SLC25A33: variants seen among roughly 807,000 people sequenced by gnomAD.
SLC25A33 encodes solute carrier family 25 member 33.
A neutral mutation model predicts 35.5 loss-of-function variants in SLC25A33; 15 were observed. That is an observed-to-expected ratio of 0.42 (90% CI 0.28 to 0.65). SLC25A33 has a LOEUF of 0.65. Among genes scored for constraint, SLC25A33 ranks in the 30% least tolerant of loss-of-function variants. The pLI, the probability that SLC25A33 is intolerant of heterozygous loss-of-function variation, is 0.20. For synonymous variants in SLC25A33, 136 were observed against 148.7 expected, an observed-to-expected ratio of 0.91 and a Z score of 0.62; for missense variants, 257 against 398.5, an observed-to-expected ratio of 0.64 and a Z score of 3.02.
chr1:9,572,954 A>G (rs1257038258), intron 4 of SLC25A33, among the ~76,000 whole-genome samples: 1 of 152,148 alleles, frequency 6.6e-6, no homozygotes, highest in Non-Finnish European at 1.5e-5. Context: ...TACTCACCAA[A>G]TGGTTATCAT....
chr1:9,571,728 C>T (rs1014248195), intron 4 of SLC25A33, among the ~76,000 whole-genome samples: 2 of 152,060 alleles, frequency 1.3e-5, no homozygotes, highest in African/African-American at 4.8e-5. Context: ...ACCCCCACCT[C>T]CTGGGCTCAA....
rs1242952730 is a variant in SLC25A33 at position 9,564,738 on chromosome 1, AAATATAT to A, written c.237-2544_237-2538del. Among the ~76,000 whole-genome samples the A allele has an allele frequency of 7.3e-4, 62 of 84,600 alleles. 1 individual carries two copies. The highest frequency in any genetic ancestry group is 3.0e-3 in the African/African-American group (60 of 20,216). 55.5% of individuals were successfully genotyped at this position (84,600 alleles called of 152,430 possible). A position where few individuals can be genotyped will look rare whatever the true frequency, so the allele number is the denominator to read the frequency against. On this transcript the variant is annotated intron_variant, in intron 2 of 6. Transcript: ENST00000302692. ...CTCGTCTCTATTTAAAAAAAAAAAA[AAATATAT>A]ATATATATATATATATATATACACA...
chr1:9,564,737 A>ATAT (rs1396734975), intron 2 of SLC25A33, among the ~76,000 whole-genome samples: 47 of 72,718 alleles, frequency 6.5e-4, no homozygotes, highest in Admixed American at 4.5e-3. Flanking sequence ...AAAAAAAAAA[A>ATAT]AAATATATAT....
At chr1:9,556,685 G>T (rs1643347872) in intron 2 of SLC25A33, among the ~76,000 whole-genome samples, 1 of 151,684 alleles carries the variant, frequency 6.6e-6, no homozygotes, top group Non-Finnish European at 1.5e-5. Flanking sequence ...CTGTGTCTGT[G>T]TGTGTGTGTG....
chr1:9,581,209 G>A (rs1374552245), intron 6 of SLC25A33, among the ~76,000 whole-genome samples: 1 of 152,180 alleles, frequency 6.6e-6, no homozygotes, highest in African/African-American at 2.4e-5. Context: ...AGTGACGAAT[G>A]TCCAACTCTA....
chr1:9,561,059 C>T (rs866652084), intron 2 of SLC25A33, among the ~76,000 whole-genome samples: 4 of 151,702 alleles, frequency 2.6e-5, no homozygotes, highest in Middle Eastern at 3.4e-3. Flanking sequence ...AAGCGATTCT[C>T]CTGCCTCAGC....
chr1:9,579,629 C>G (rs1177753786), intron 5 of SLC25A33, among the ~76,000 whole-genome samples: 1 of 152,150 alleles, frequency 6.6e-6, no homozygotes, highest in Admixed American at 6.5e-5. Flanking sequence ...GAACCCTGTC[C>G]TCTTGGGTTT....
intron 3 of SLC25A33, among the ~76,000 whole-genome samples, chr1:9,569,479 G>A (rs185351739): frequency 1.1e-4 from 16 of 152,298 alleles, no homozygotes; most frequent in Admixed American, 2.0e-4. Flanking sequence ...CTCCTACAGT[G>A]TAACCCTGGT....
intron 2 of SLC25A33, chr1:9,556,152 T>C: frequency 7.1e-6 from 7 of 981,716 alleles, no homozygotes; most frequent in Non-Finnish European, 8.5e-6. Flanking sequence ...GTGAGAACAC[T>C]CCTCCTGCTT....
At chr1:9,575,369 C>T (rs998285303) in intron 5 of SLC25A33, among the ~76,000 whole-genome samples, 8 of 151,958 alleles carry the variant, frequency 5.3e-5, no homozygotes, top group Non-Finnish European at 1.0e-4. Flanking sequence ...GTAATCCCAG[C>T]ACTTTGGGAG....
intron 1 of SLC25A33, among the ~76,000 whole-genome samples, chr1:9,540,976 T>A (rs910872400): frequency 1.3e-5 from 2 of 152,052 alleles, no homozygotes; most frequent in African/African-American, 4.8e-5. Flanking sequence ...CATGTCTCCA[T>A]TGAGACTTCC....
intron 2 of SLC25A33, among the ~76,000 whole-genome samples, chr1:9,564,231 C>T (rs1011975605): frequency 4.6e-5 from 7 of 152,110 alleles, no homozygotes; most frequent in African/African-American, 1.7e-4. Context: ...TTTTCTAAGT[C>T]GCTTTTAATT....
chr1:9,577,168 C>T (rs1018150129), intron 5 of SLC25A33, among the ~76,000 whole-genome samples: 3 of 152,084 alleles, frequency 2.0e-5, no homozygotes, highest in Non-Finnish European at 4.4e-5. Flanking sequence ...GTCAAGAAAG[C>T]ATGGTTAGGC....
intron 1 of SLC25A33, among the ~76,000 whole-genome samples, chr1:9,543,259 T>C (rs1569838032): frequency 6.6e-6 from 1 of 152,082 alleles, no homozygotes; most frequent in Non-Finnish European, 1.5e-5. Flanking sequence ...TTCTCTTGCC[T>C]CAGCCTCCTG....
intron 1 of SLC25A33, among the ~76,000 whole-genome samples, chr1:9,542,785 A>T (rs1239408119): frequency 6.6e-6 from 1 of 152,224 alleles, no homozygotes; most frequent in African/African-American, 2.4e-5. Flanking sequence ...AATTAATGAT[A>T]CTGTGATACT....
chr1:9,576,416 CT>C, intron 5 of SLC25A33: 38 of 367,194 alleles, frequency 1.0e-4, no homozygotes, highest in Admixed American at 2.7e-4. Context: ...TTTGCCGTGT[CT>C]ACTGTGAAAA....
chr1:9,546,670 G>T (rs547101937), intron 1 of SLC25A33, among the ~76,000 whole-genome samples: 5 of 152,258 alleles, frequency 3.3e-5, no homozygotes, highest in African/African-American at 1.2e-4. Flanking sequence ...AAAAGTTTAG[G>T]TATACATTTT....
Position 9,577,100 on chromosome 1 carries a change from G to T in SLC25A33, c.483-2854G>T, listed in dbSNP as rs1010265998. The T allele has an allele frequency of 5.8e-6, 3 of 519,450 alleles. No individual in the cohort carries two copies. The East Asian group carries it at 1.2e-4, about 21-fold the overall frequency. 32.2% of individuals were successfully genotyped at this position (519,450 alleles called of 1,614,324 possible). A position where few individuals can be genotyped will look rare whatever the true frequency, so the allele number is the denominator to read the frequency against. ...GATTTGGGAAGAAAAGAATAGCCAGGTGGGGGCGGCAGAGAAGAGTCTTTT... is the reference window on the plus strand; with the variant it reads ...GATTTGGGAAGAAAAGAATAGCCAGTTGGGGGCGGCAGAGAAGAGTCTTTT... On this transcript the variant is annotated intron_variant, in intron 5 of 6. Coordinates refer to ENST00000302692, the MANE Select transcript of SLC25A33 (RefSeq NM_032315.3).
At chr1:9,541,925 G>A (rs7415098) in intron 1 of SLC25A33, among the ~76,000 whole-genome samples, 70 of 151,368 alleles carry the variant, frequency 4.6e-4, no homozygotes, top group Non-Finnish European at 6.6e-4. Flanking sequence ...TCAGCCTCCC[G>A]AATAGCTGGG....
Sources: gnomAD v4.1 joint callset for allele counts (sites outside exome capture counted in the v4.1 genomes callset) on GRCh38, gnomAD v4.1.1 for gene constraint, MANE v1.5 for transcripts, NCBI Gene and HGNC (gene_info 2026-07-23, HGNC 2026-07-21) for gene names.